IRAK1BP1: variants seen among roughly 807,000 people sequenced by gnomAD.
The protein encoded by IRAK1BP1 is interleukin 1 receptor associated kinase 1 binding protein 1, also known as interleukin-1 receptor-associated kinase 1-binding protein 1.
IRAK1BP1 carries 24 observed loss-of-function variants against 28.0 expected under a neutral mutation model. The ratio of observed to expected loss-of-function variants is 0.86; its 90% CI spans 0.62 to 1.20. The LOEUF is 1.20. Ranked by LOEUF, IRAK1BP1 falls within the 50% of genes most tolerant of loss-of-function variation. The pLI, the probability that IRAK1BP1 is intolerant of heterozygous loss-of-function variation, is 0.00. For missense variants in IRAK1BP1, 336 were observed against 316.7 expected, an observed-to-expected ratio of 1.06 and a Z score of -0.46; for synonymous variants, 131 against 116.3, an observed-to-expected ratio of 1.13 and a Z score of -0.81.
rs771494810 is a variant in IRAK1BP1, at chr6:78,867,828, C to CA, written c.257dup (p.Ser87GlufsTer30). ...GCACCAAGGAGGCGGCAGCCGAGGC[C>CA]AAAAAGAGCGTTTGTCGCCGTCTAG... On this transcript the variant is annotated frameshift_variant, in exon 1 of 4. Coordinates refer to ENST00000369940, the MANE Select transcript of IRAK1BP1 (RefSeq NM_001010844.4). LOFTEE classifies it high-confidence loss of function. 6.2e-7 allele frequency: 1 copy of CA among 1,611,906 alleles called. No individual in the cohort carries two copies. The highest frequency in any genetic ancestry group is 8.5e-7 in the Non-Finnish European group (1 of 1,179,048).
chr6:78,969,752 T>C, the IRAK1BP1 span: 2 of 618,288 alleles, frequency 3.2e-6, no homozygotes, highest in Admixed American at 3.3e-5. Flanking sequence ...ATAATCTTTT[T>C]CTCAATTATG....
the IRAK1BP1 span, among the ~76,000 whole-genome samples, chr6:78,964,832 C>T: frequency 6.6e-6 from 1 of 152,066 alleles, no homozygotes; most frequent in East Asian, 1.9e-4. Context: ...TATAGAATAA[C>T]GTAAAAGAAT....
intron 4 of IRAK1BP1, among the ~76,000 whole-genome samples, chr6:78,910,861 G>A (rs531622815): frequency 2.7e-4 from 41 of 152,226 alleles, no homozygotes; most frequent in Admixed American, 9.8e-4. Flanking sequence ...TCCGTGCTGG[G>A]ACAGCCGCGC....
rs1304379519 is a variant in IRAK1BP1, at chr6:78,899,290, G to C, written c.*956G>C. On this transcript the variant is annotated 3_prime_UTR_variant, in exon 4 of 4. Coordinates refer to ENST00000369940, the MANE Select transcript of IRAK1BP1 (RefSeq NM_001010844.4). The stretch of plus-strand genomic sequence containing the variant: ...CCAGCAATATGTTTAGGAAGGTGAA[G>C]TCTACTGAGGGCTATCTCACATCTA... 6.6e-6 allele frequency: 1 copy of C among 152,156 alleles called. No individual in the cohort carries two copies. Among genetic ancestry groups the C allele is most frequent in the Non-Finnish European group, 1.5e-5 (1 of 68,030 alleles). 9.4% of individuals were successfully genotyped at this position (152,156 alleles called of 1,614,324 possible).
chr6:78,876,564 G>T (rs1771011496), intron 1 of IRAK1BP1, among the ~76,000 whole-genome samples: 1 of 152,100 alleles, frequency 6.6e-6, no homozygotes, highest in Non-Finnish European at 1.5e-5. Context: ...CTCAATCTTG[G>T]CAGTATTAAC....
the IRAK1BP1 span, among the ~76,000 whole-genome samples, chr6:78,952,880 T>C: frequency 6.6e-6 from 1 of 152,090 alleles, no homozygotes; most frequent in Non-Finnish European, 1.5e-5. Flanking sequence ...GTGGTACATA[T>C]AACAACAGTA....
chr6:78,902,043 G>C lies in IRAK1BP1; in HGVS notation c.*3709G>C, dbSNP rs1411905653. Reference sequence around the variant, plus strand: ...TCTGCATTACAAAATGAAAGCAAATGCTTTATTTATTCCAACAAAAAAAGA... The same window carrying C: ...TCTGCATTACAAAATGAAAGCAAATCCTTTATTTATTCCAACAAAAAAAGA... On this transcript the variant is annotated 3_prime_UTR_variant, in exon 4 of 4. Transcript: ENST00000369940. 3 of 152,092 alleles carry C rather than the reference G, an allele frequency of 2.0e-5. No individual in the cohort carries two copies. Among genetic ancestry groups the C allele is most frequent in the African/African-American group, 7.2e-5 (3 of 41,414 alleles). 9.4% of individuals were successfully genotyped at this position (152,092 alleles called of 1,614,324 possible).
At chr6:78,909,074 GAA>G (rs765608529) in intron 4 of IRAK1BP1, among the ~76,000 whole-genome samples, 3 of 152,182 alleles carry the variant, frequency 2.0e-5, no homozygotes, top group Non-Finnish European at 4.4e-5. Flanking sequence ...TGATAAGAGG[GAA>G]AAGTGTATAC....
chr6:78,874,497 C>T (rs140772976), intron 1 of IRAK1BP1, among the ~76,000 whole-genome samples: 5,680 of 152,224 alleles, frequency 0.037, 106 homozygotes, highest in Middle Eastern at 0.058. Context: ...ATCCTTGTTA[C>T]GGTCCTGTGC....
the IRAK1BP1 span, chr6:78,958,712 A>C: frequency 1.4e-6 from 1 of 700,752 alleles, no homozygotes; most frequent in South Asian, 1.7e-5. Flanking sequence ...CCAACTGTAA[A>C]AACCATTGGT....
chr6:78,966,146 T>TA, the IRAK1BP1 span: 6 of 769,116 alleles, frequency 7.8e-6, no homozygotes, highest in African/African-American at 1.7e-5. Context: ...GTACCTAAAC[T>TA]GCCTGTATGA....
chr6:78,877,668 A>G (rs1458993959), intron 1 of IRAK1BP1, among the ~76,000 whole-genome samples: 1 of 152,140 alleles, frequency 6.6e-6, no homozygotes, highest in African/African-American at 2.4e-5. Context: ...CAGCCCATGG[A>G]GCGTGAGCCG....
At chr6:78,947,090 G>A (rs1180132234), downstream of IRAK1BP1, among the ~76,000 whole-genome samples, 1 of 152,024 alleles carries the variant, frequency 6.6e-6, no homozygotes, top group East Asian at 1.9e-4. Context: ...TCCAAGTTTT[G>A]AGATTCTTAA....
chr6:78,880,629 A>G (rs748575090), intron 1 of IRAK1BP1, among the ~76,000 whole-genome samples: 5 of 152,190 alleles, frequency 3.3e-5, no homozygotes, highest in Admixed American at 1.3e-4. Context: ...AATATTTGTA[A>G]ATTACATAGC....
the IRAK1BP1 span, among the ~76,000 whole-genome samples, chr6:78,972,168 C>A: frequency 0.031 from 4,741 of 152,156 alleles, 87 homozygotes; most frequent in Middle Eastern, 0.058. Flanking sequence ...TCCCAGTACG[C>A]AGCTGGAGAT....
At chr6:78,944,362 A>G (rs1345307920) in intron 4 of IRAK1BP1, among the ~76,000 whole-genome samples, 3 of 152,234 alleles carry the variant, frequency 2.0e-5, no homozygotes, top group African/African-American at 4.8e-5. Context: ...AGAGAAATAA[A>G]AAGATCGCTT....
At chr6:78,940,548 G>GTTTGTTTTTTTTTT (rs1773439272) in intron 4 of IRAK1BP1, 1 of 82,672 alleles carries the variant, frequency 1.2e-5, no homozygotes, top group African/African-American at 5.7e-5. Context: ...TCGTAAGTTT[G>GTTTGTTTTTTTTTT]TTTTTTTTTT....
the IRAK1BP1 span, among the ~76,000 whole-genome samples, chr6:78,952,579 A>G: frequency 6.6e-6 from 1 of 151,568 alleles, no homozygotes; most frequent in Non-Finnish European, 1.5e-5. Context: ...ACTACCTCTT[A>G]CCCTCTCCTT....
intron 4 of IRAK1BP1, among the ~76,000 whole-genome samples, chr6:78,921,246 G>A (rs552687761): frequency 2.0e-5 from 3 of 152,174 alleles, no homozygotes; most frequent in East Asian, 1.9e-4. Context: ...CTTTTCCAAC[G>A]ATCTTCGCAA....
Sources: allele counts gnomAD v4.1 joint callset (sites outside exome capture counted in the v4.1 genomes callset), GRCh38; gene constraint gnomAD v4.1.1; transcripts MANE v1.5; gene names NCBI Gene and HGNC (gene_info 2026-07-23, HGNC 2026-07-21).